Variants in MCF2L observed in about 807,000 individuals in gnomAD.
The protein encoded by MCF2L is MCF.2 cell line derived transforming sequence like, also known as guanine nucleotide exchange factor DBS.
MCF2L carries 97 observed loss-of-function variants against 153.4 expected under a neutral mutation model. That is an observed-to-expected ratio of 0.63 (90% CI 0.54 to 0.75). The LOEUF (loss-of-function observed/expected upper bound fraction) is 0.75, where lower values mean the gene tolerates loss of function less well. Among genes scored for constraint, MCF2L ranks in the 30% least tolerant of loss-of-function variants. The pLI is 0.00. For missense variants in MCF2L, 1,347 were observed against 1,495.2 expected (o/e 0.90, Z 1.64); for synonymous variants, 659 against 632.2 (o/e 1.04, Z -0.64).
At chr13:113,055,512 T>G (rs2087703357) in intron 4 of MCF2L, among the ~76,000 whole-genome samples, 1 of 149,734 alleles carries the variant, frequency 6.7e-6, no homozygotes, top group African/African-American at 2.5e-5. Context: ...AAAACGACAG[T>G]GAAACGTAGA....
Position 113,073,050 on chromosome 13 carries a change from A to G in MCF2L, c.997-1394A>G, listed in dbSNP as rs1474588427. 1.6e-5 allele frequency among the ~76,000 whole-genome samples: 2 copies of G among 125,584 alleles called. 1 individual carries two copies. Among genetic ancestry groups the G allele is most frequent in the South Asian group, 4.9e-4 (2 of 4,116 alleles). The allele number at this position is 125,584 out of a possible 152,430, so 82.4% of individuals were successfully genotyped here. On this transcript the variant is annotated intron_variant, in intron 9 of 29. Transcript: ENST00000535094. ...CCAGCTTTTTTTTTTTTTTTTTCCA[A>G]TTTCCCTTGGAACTTCCTCTTTGAC...
In MCF2L at chr13:113,074,760, G is replaced by A. The variant is rs988086182; in HGVS notation, c.1116+197G>A. On this transcript the variant is annotated intron_variant, in intron 10 of 29. Coordinates refer to ENST00000535094, the MANE Select transcript of MCF2L (RefSeq NM_001112732.3). The surrounding 1 kb of genome is among the most constrained non-coding windows in gnomAD (Gnocchi z 4.2). ...CCACCCACAGCACATGGCCCTGCCCGGCCTCCTCTGGGTCAGGTCCCTGCA... is the reference window on the plus strand; with the variant it reads ...CCACCCACAGCACATGGCCCTGCCCAGCCTCCTCTGGGTCAGGTCCCTGCA... Among the ~76,000 whole-genome samples the A allele has an allele frequency of 4.1e-5, 6 of 146,752 alleles. No individual in the cohort carries two copies. The highest frequency in any genetic ancestry group is 2.2e-4 in the East Asian group (1 of 4,522).
At chr13:113,052,802 G>A (rs552731522) in intron 4 of MCF2L, 1 of 151,058 alleles carries the variant, frequency 6.6e-6, no homozygotes, top group South Asian at 2.1e-4. Flanking sequence ...CATAGACACA[G>A]ACATGTACAC....
rs895244048 is a variant in MCF2L, at chr13:113,002,126, C to T, written c.80-12637C>T. The stretch of plus-strand genomic sequence containing the variant: ...GCAGAAGCCCGGGGCTGGGGGATGC[C>T]GGGGATGGATGTTGGGGTGGGTGCC... On this transcript the variant is annotated intron_variant, in intron 1 of 29. Coordinates refer to ENST00000535094, the MANE Select transcript of MCF2L (RefSeq NM_001112732.3). 1.9e-5 allele frequency: 18 copies of T among 963,640 alleles called. No homozygotes were observed. In the Admixed American group the frequency reaches 3.2e-4, roughly 17 times the overall value. The allele number at this position is 963,640 out of a possible 1,614,324, so 59.7% of individuals were successfully genotyped here.
intron 2 of MCF2L, among the ~76,000 whole-genome samples, chr13:113,019,730 C>G (rs1020524781): frequency 3.3e-5 from 5 of 152,138 alleles, no homozygotes. Flanking sequence ...GGAGGTGAGG[C>G]CTTTGGGAGG....
chr13:112,959,403 G>C (rs149853356), intron 2 of MCF2L, among the ~76,000 whole-genome samples: 1 of 152,014 alleles, frequency 6.6e-6, no homozygotes, highest in Non-Finnish European at 1.5e-5. Context: ...GAACAAGCGC[G>C]TTCTCCTTAC....
At chr13:112,970,877 G>A (rs1183073159) in intron 1 of MCF2L, among the ~76,000 whole-genome samples, 2 of 152,170 alleles carry the variant, frequency 1.3e-5, no homozygotes, top group African/African-American at 2.4e-5. Flanking sequence ...GTGGGCCATC[G>A]TCTCATCTGG....
At chr13:113,090,620 C>T (rs184483060) in intron 26 of MCF2L, 137 of 985,458 alleles carry the variant, frequency 1.4e-4, no homozygotes, top group Non-Finnish European at 1.6e-4. Context: ...TGCTCACCTG[C>T]GAGAGCTCCA....
chr13:112,917,117 C>G, intron 2 of MCF2L: 1 of 471,286 alleles, frequency 2.1e-6, no homozygotes, highest in Non-Finnish European at 4.4e-6. Context: ...TACTCAGCCC[C>G]TCGGCGATCT....
intron 4 of MCF2L, among the ~76,000 whole-genome samples, chr13:113,050,088 A>C (rs547969909): frequency 1.3e-5 from 2 of 152,172 alleles, no homozygotes; most frequent in Non-Finnish European, 2.9e-5. Flanking sequence ...CGGTCCTCAG[A>C]TAGAAGCATC....
intron 7 of MCF2L, among the ~76,000 whole-genome samples, chr13:113,065,809 C>T (rs1175452901): frequency 2.6e-5 from 4 of 152,216 alleles, no homozygotes; most frequent in African/African-American, 9.7e-5. Context: ...TAACCCGTTG[C>T]CCTGAGTGCC....
chr13:112,955,174 C>G lies in MCF2L; in HGVS notation c.169+52803C>G, dbSNP rs75808385. Among the ~76,000 whole-genome samples, 1,222 of 152,230 alleles carry G rather than the reference C, an allele frequency of 8.0e-3. 21 individuals are homozygous for G. The highest frequency in any genetic ancestry group is 0.027 in the African/African-American group (1,138 of 41,530). ...TGAGGGGCTTCATGAGGTGGGGACCCCGTCCCATTGCTCAGTGCTGGGTCC... is the reference window on the plus strand; with the variant it reads ...TGAGGGGCTTCATGAGGTGGGGACCGCGTCCCATTGCTCAGTGCTGGGTCC... On this transcript the variant is annotated intron_variant, in intron 2 of 29. Coordinates refer to the MCF2L transcript ENST00000375608.
At chr13:113,066,533 TG>T (rs2032390687) in intron 8 of MCF2L, among the ~76,000 whole-genome samples, 1 of 152,212 alleles carries the variant, frequency 6.6e-6, no homozygotes, top group African/African-American at 2.4e-5. Context: ...GGAGAAAGCC[TG>T]GGGTTCTCCT....
intron 2 of MCF2L, among the ~76,000 whole-genome samples, chr13:112,915,159 C>G (rs2081277725): frequency 6.6e-6 from 1 of 151,968 alleles, no homozygotes; most frequent in South Asian, 2.1e-4. Context: ...CCTGTAATCC[C>G]AGCACTTTGG....
At chr13:112,928,381 T>C (rs1274204318) in intron 2 of MCF2L, among the ~76,000 whole-genome samples, 2 of 152,258 alleles carry the variant, frequency 1.3e-5, no homozygotes, top group Non-Finnish European at 2.9e-5. Context: ...TGCTGTGGTC[T>C]TTTTTCCTCA....
intron 2 of MCF2L, among the ~76,000 whole-genome samples, chr13:112,926,277 ACAGCGGAG>A (rs1217297669): frequency 2.9e-5 from 3 of 104,146 alleles, no homozygotes; most frequent in African/African-American, 1.3e-4. Context: ...GTCTATATAC[ACAGCGGAG>A]TGCTGCATGG....
chr13:113,027,975 C>T lies in MCF2L; in HGVS notation c.278+3217C>T, dbSNP rs922863638. Among the ~76,000 whole-genome samples the T allele has an allele frequency of 7.9e-5, 12 of 152,106 alleles. No homozygotes were observed. Among genetic ancestry groups the T allele is most frequent in the Admixed American group, 2.6e-4 (4 of 15,286 alleles). ...GAGGAAGGGCCTGTGTCCCAGGGGACGGCCGGCCTGACAGGTACATCCGCC... is the reference window on the plus strand; with the variant it reads ...GAGGAAGGGCCTGTGTCCCAGGGGATGGCCGGCCTGACAGGTACATCCGCC... On this transcript the variant is annotated intron_variant, in intron 3 of 29. Coordinates refer to ENST00000535094, the MANE Select transcript of MCF2L (RefSeq NM_001112732.3). The surrounding 1 kb of genome is among the most constrained non-coding windows in gnomAD (Gnocchi z 4.8).
intron 2 of MCF2L, chr13:112,902,497 C>T: frequency 1.0e-6 from 1 of 996,046 alleles, no homozygotes; most frequent in Non-Finnish European, 1.4e-6. Context: ...AATGCATGAC[C>T]CCCCAGGTAG....
intron 11 of MCF2L, 50 bp downstream of exon 11, chr13:113,075,239 C>T (rs757556537): frequency 2.0e-6 from 3 of 1,500,354 alleles, no homozygotes; most frequent in African/African-American, 2.8e-5. Flanking sequence ...CGGAACCAGC[C>T]TCTTCCTCCC....
Sources: gnomAD v4.1 joint callset for allele counts (sites outside exome capture counted in the v4.1 genomes callset) on GRCh38, gnomAD v4.1.1 for gene constraint, Gnocchi (gnomAD v3.1) non-coding constraint, MANE v1.5 for transcripts, NCBI Gene and HGNC (gene_info 2026-07-23, HGNC 2026-07-21) for gene names.